The following TMEM132B variants were observed in gnomAD, a reference collection of about 807,000 sequenced individuals.
TMEM132B encodes the protein transmembrane protein 132B.
In TMEM132B, 18 loss-of-function variants were observed where a neutral mutation model predicts 90.8. The ratio of observed to expected loss-of-function variants is 0.20; its 90% CI spans 0.14 to 0.29. The LOEUF (loss-of-function observed/expected upper bound fraction) is 0.29, where lower values mean the gene tolerates loss of function less well. Ranked by LOEUF, TMEM132B falls within the 10% of genes least tolerant of loss-of-function variation. The pLI, the probability that TMEM132B is intolerant of heterozygous loss-of-function variation, is 1.00. For synonymous variants in TMEM132B, 504 were observed against 523.3 expected (o/e 0.96, Z 0.50); for missense variants, 1,096 against 1,326.8 (o/e 0.83, Z 2.70).
At chr12:125,229,028 G>T (rs899165326) in intron 1 of TMEM132B, among the ~76,000 whole-genome samples, 1 of 152,210 alleles carries the variant, frequency 6.6e-6, no homozygotes, top group Admixed American at 6.5e-5. Context: ...GGTGCCGCGG[G>T]CGAGGGAGAC....
At chr12:125,405,343 C>G (rs955264635) in intron 2 of TMEM132B, among the ~76,000 whole-genome samples, 1 of 152,186 alleles carries the variant, frequency 6.6e-6, no homozygotes, top group Non-Finnish European at 1.5e-5. Flanking sequence ...AGACACCACT[C>G]ATTGGATTTA....
At chr12:125,552,840 A>G (rs1233798276) in intron 4 of TMEM132B, among the ~76,000 whole-genome samples, 1 of 152,220 alleles carries the variant, frequency 6.6e-6, no homozygotes, top group Non-Finnish European at 1.5e-5. Context: ...ATGCATGGGG[A>G]ATAACAGACA....
intron 3 of TMEM132B, among the ~76,000 whole-genome samples, chr12:125,433,105 A>T (rs892605170): frequency 6.6e-6 from 1 of 152,244 alleles, no homozygotes; most frequent in South Asian, 2.1e-4. Context: ...GTGCATGGTG[A>T]GTCCTGCCAG....
chr12:125,288,062 C>T (rs1438535309), intron 1 of TMEM132B, among the ~76,000 whole-genome samples: 4 of 151,752 alleles, frequency 2.6e-5, no homozygotes, highest in Non-Finnish European at 5.9e-5. Context: ...TTAGTAGAGA[C>T]GGGGTTTCAC....
At chr12:125,455,662 G>C (rs962052857) in intron 3 of TMEM132B, among the ~76,000 whole-genome samples, 2 of 151,084 alleles carry the variant, frequency 1.3e-5, no homozygotes, top group South Asian at 4.2e-4. Context: ...TTATCTTCAA[G>C]GGTTGGATTT....
chr12:125,605,830 T>C (rs1885682573), intron 5 of TMEM132B, among the ~76,000 whole-genome samples: 1 of 152,178 alleles, frequency 6.6e-6, no homozygotes, highest in Non-Finnish European at 1.5e-5. Flanking sequence ...CCAAGCCGAC[T>C]GACTGAAGAA....
intron 1 of TMEM132B, among the ~76,000 whole-genome samples, chr12:125,293,853 G>T (rs936333582): frequency 6.6e-6 from 1 of 152,162 alleles, no homozygotes; most frequent in South Asian, 2.1e-4. Flanking sequence ...GCTTGTAACC[G>T]CTCTGAACTA....
chr12:125,362,425 A>G (rs529429326), intron 2 of TMEM132B, among the ~76,000 whole-genome samples: 2 of 152,350 alleles, frequency 1.3e-5, no homozygotes, highest in South Asian at 4.1e-4. Flanking sequence ...AAGGAGTTTT[A>G]TACATGCCCT....
At position 125,421,815 on chromosome 12, in the gene TMEM132B, G is replaced by A. The variant is rs1338440733; in HGVS notation, c.1106+6138G>A. Among the ~76,000 whole-genome samples, 4 of 152,348 alleles carry A rather than the reference G, an allele frequency of 2.6e-5. No homozygotes were observed. The East Asian group carries it at 7.7e-4, about 29-fold the overall frequency. ...ACATAAGACAGTTACCATATCAAGTGCCATCGTATGGATTTGTGAAACATG... is the reference window on the plus strand; with the variant it reads ...ACATAAGACAGTTACCATATCAAGTACCATCGTATGGATTTGTGAAACATG... On this transcript the variant is annotated intron_variant, in intron 3 of 8. Transcript: ENST00000682704.
intron 3 of TMEM132B, among the ~76,000 whole-genome samples, chr12:125,440,575 C>G (rs142078627): frequency 6.6e-6 from 1 of 152,138 alleles, no homozygotes; most frequent in African/African-American, 2.4e-5. Context: ...GCATCTCCCC[C>G]CTGATTAAAC....
chr12:125,480,132 A>C (rs1881998849), intron 3 of TMEM132B, among the ~76,000 whole-genome samples: 1 of 152,198 alleles, frequency 6.6e-6, no homozygotes, highest in Admixed American at 6.5e-5. Flanking sequence ...AATTTATAGC[A>C]CTAAATGCCC....
intron 1 of TMEM132B, among the ~76,000 whole-genome samples, chr12:125,255,680 C>T (rs1874423934): frequency 6.6e-6 from 1 of 152,026 alleles, no homozygotes; most frequent in Admixed American, 6.6e-5. Context: ...AGGTCTCTGC[C>T]CTTTTCCTTC....
intron 3 of TMEM132B, among the ~76,000 whole-genome samples, chr12:125,463,474 A>G (rs547676018): frequency 3.9e-4 from 59 of 152,320 alleles, no homozygotes; most frequent in African/African-American, 1.4e-3. Flanking sequence ...CATTTATAAA[A>G]TCAATTTTAT....
chr12:125,432,564 G>A (rs1049197624), intron 3 of TMEM132B, among the ~76,000 whole-genome samples: 1 of 139,406 alleles, frequency 7.2e-6, no homozygotes, highest in South Asian at 2.3e-4. Context: ...GAGAGAGAGA[G>A]AGAAAGAGAG....
intron 4 of TMEM132B, among the ~76,000 whole-genome samples, chr12:125,563,844 G>A (rs1884601713): frequency 6.6e-6 from 1 of 152,158 alleles, no homozygotes. Flanking sequence ...TGAAAGTTAT[G>A]CTACCAGAAG....
At chr12:125,288,462 CAAAAA>C (rs11423298) in intron 1 of TMEM132B, among the ~76,000 whole-genome samples, 1 of 102,950 alleles carries the variant, frequency 9.7e-6, no homozygotes, top group African/African-American at 4.0e-5. Context: ...GACTCCATCT[CAAAAA>C]AAAAAAAAAA....
intron 1 of TMEM132B, among the ~76,000 whole-genome samples, chr12:125,193,520 T>C (rs949484115): frequency 1.3e-5 from 2 of 152,224 alleles, no homozygotes; most frequent in African/African-American, 4.8e-5. Flanking sequence ...TCATGGTCAA[T>C]GCAAGGCGAT....
At chr12:125,245,533 G>C (rs1874186781) in intron 1 of TMEM132B, among the ~76,000 whole-genome samples, 1 of 152,186 alleles carries the variant, frequency 6.6e-6, no homozygotes. Context: ...CCAGGATGGG[G>C]GGCTTCGATG....
rs934232478 is a variant in TMEM132B, at chr12:125,406,159, T to C, written c.960-9372T>C. The stretch of plus-strand genomic sequence containing the variant: ...TTTTGCTAGTGAATTTCCAGTAGAC[T>C]GTGAGTACCTTTTACTGTCCAAACA... On this transcript the variant is annotated intron_variant, in intron 2 of 8. Coordinates refer to ENST00000682704, the MANE Select transcript of TMEM132B (RefSeq NM_001366854.1). This position sits in a 1 kb window ranked among gnomAD's most constrained non-coding sequence, Gnocchi z 8.3. 9.9e-5 allele frequency among the ~76,000 whole-genome samples: 15 copies of C among 152,234 alleles called. No homozygotes were observed. The highest frequency in any genetic ancestry group is 4.1e-4 in the South Asian group (2 of 4,828).
Sources: gnomAD v4.1 joint callset for allele counts (sites outside exome capture counted in the v4.1 genomes callset) on GRCh38, gnomAD v4.1.1 for gene constraint, Gnocchi (gnomAD v3.1) non-coding constraint, MANE v1.5 for transcripts, NCBI Gene and HGNC (gene_info 2026-07-23, HGNC 2026-07-21) for gene names.